Variants in ZNF565 observed in about 807,000 individuals in gnomAD.
ZNF565 encodes the protein zinc finger protein 565.
Under a neutral mutation model 39.4 loss-of-function variants are expected in ZNF565, and 27 were observed. That is an observed-to-expected ratio of 0.69 (90% CI 0.51 to 0.95). The LOEUF (loss-of-function observed/expected upper bound fraction) is 0.95, where lower values mean the gene tolerates loss of function less well. Among genes scored for constraint, ZNF565 ranks in the 40% least tolerant of loss-of-function variants. The pLI is 0.00. For synonymous variants in ZNF565, 185 were observed against 216.6 expected (o/e 0.85, Z 1.28); for missense variants, 524 against 621.1 (o/e 0.84, Z 1.66).
chr19:36,227,741 C>T (rs191210956), intron 1 of ZNF565, among the ~76,000 whole-genome samples: 28 of 152,194 alleles, frequency 1.8e-4, no homozygotes, highest in East Asian at 7.8e-4. Flanking sequence ...TTTATAAGGA[C>T]GGTGTGTCAC....
Position 36,183,614 on chromosome 19 carries a change from C to G in ZNF565, c.352G>C (p.Asp118His). Residue 118 changes from aspartate (D) to histidine (H), a missense_variant, in exon 5 of 5, where the codon GAC becomes CAC. Coordinates refer to ENST00000304116, the MANE Select transcript of ZNF565 (RefSeq NM_152477.5). ...SDLEGSDFRA[D>H]WECEGQFERQ... Reference sequence around the variant, plus strand: ...TCAAACTGGCCTTCGCATTCCCAGTCAGCTCTAAAATCGGAGCCCTCCAGG... The same window carrying G: ...TCAAACTGGCCTTCGCATTCCCAGTGAGCTCTAAAATCGGAGCCCTCCAGG... 1 of 1,614,200 alleles carries G rather than the reference C, an allele frequency of 6.2e-7. No individual in the cohort carries two copies. Among genetic ancestry groups the G allele is most frequent in the Non-Finnish European group, 8.5e-7 (1 of 1,180,048 alleles).
chr19:36,200,181 A>C (rs552099354), intron 2 of ZNF565, among the ~76,000 whole-genome samples: 41 of 151,582 alleles, frequency 2.7e-4, no homozygotes, highest in Admixed American at 1.2e-3. Flanking sequence ...ATGCGCCATC[A>C]TGCCCGGCTA....
upstream of ZNF565, among the ~76,000 whole-genome samples, chr19:36,218,828 G>C (rs115708750): frequency 0.025 from 3,554 of 140,366 alleles, 166 homozygotes; most frequent in African/African-American, 0.089. Context: ...GTGGAGGGGG[G>C]GACAGAGTCT....
intron 4 of ZNF565, 46 bp downstream of exon 4, chr19:36,194,187 C>A: frequency 1.3e-6 from 2 of 1,511,162 alleles, no homozygotes; most frequent in South Asian, 1.2e-5. Context: ...TCCTGTCAGT[C>A]GACTCATCCA....
Position 36,183,327 on chromosome 19 carries a change from A to T in ZNF565, c.639T>A (p.His213Gln). The change falls in exon 5 of 5, where the codon CAT (histidine) becomes CAA (glutamine). Residue 213 changes from histidine (H) to glutamine (Q), a missense_variant. Physicochemically the swap from His to Gln is conservative, Grantham distance 24. Coordinates refer to ENST00000304116, the MANE Select transcript of ZNF565 (RefSeq NM_152477.5). ...AFSRASHLVQ[H>Q]QRIHTGEKPY... ...GTTTCTCACCCGTGTGAATTCTCTGATGCTGAACAAGGTGTGAGGCACGGC... is the reference window on the plus strand; with the variant it reads ...GTTTCTCACCCGTGTGAATTCTCTGTTGCTGAACAAGGTGTGAGGCACGGC... 1 of 1,614,146 alleles carries T rather than the reference A, an allele frequency of 6.2e-7. No homozygotes were observed. The highest frequency in any genetic ancestry group is 1.1e-5 in the South Asian group (1 of 91,086).
chr19:36,234,565 T>C (rs1191592757), intron 1 of ZNF565, among the ~76,000 whole-genome samples: 1 of 152,098 alleles, frequency 6.6e-6, no homozygotes, highest in Non-Finnish European at 1.5e-5. Context: ...GCCCGGCTAA[T>C]TTTTTGTATT....
intron 1 of ZNF565, chr19:36,237,251 A>C: frequency 1.2e-6 from 2 of 1,614,052 alleles, no homozygotes; most frequent in Non-Finnish European, 1.7e-6. Flanking sequence ...TTATCAGTGC[A>C]GTGAATGTGG....
At chr19:36,196,282 C>T (rs1975758771) in intron 2 of ZNF565, among the ~76,000 whole-genome samples, 1 of 151,956 alleles carries the variant, frequency 6.6e-6, no homozygotes, top group African/African-American at 2.4e-5. Context: ...CACTATGTTA[C>T]CCAGGCTGGC....
intron 1 of ZNF565, chr19:36,236,489 G>A: frequency 6.2e-7 from 1 of 1,613,846 alleles, no homozygotes; most frequent in South Asian, 1.1e-5. Context: ...AAACCCCTTT[G>A]CCTGTAAGGT....
chr19:36,229,149 T>G (rs988612299), intron 1 of ZNF565, among the ~76,000 whole-genome samples: 5 of 152,348 alleles, frequency 3.3e-5, no homozygotes, highest in African/African-American at 9.6e-5. Context: ...TTGTAAAACC[T>G]TACATATTGT....
intron 1 of ZNF565, among the ~76,000 whole-genome samples, chr19:36,204,593 G>A (rs956054160): frequency 4.6e-5 from 7 of 152,318 alleles, no homozygotes; most frequent in African/African-American, 1.7e-4. Flanking sequence ...GTATGTCTGA[G>A]AAACTAAAGT....
chr19:36,221,384 G>A (rs2145407089), intron 1 of ZNF565, among the ~76,000 whole-genome samples: 1 of 149,586 alleles, frequency 6.7e-6, no homozygotes, highest in East Asian at 2.0e-4. Flanking sequence ...CGCCTCCCGG[G>A]TTCACGCCAT....
At chr19:36,186,574 G>A (rs1457179597) in intron 4 of ZNF565, among the ~76,000 whole-genome samples, 1 of 151,978 alleles carries the variant, frequency 6.6e-6, no homozygotes, top group Non-Finnish European at 1.5e-5. Context: ...GGTCACTTGA[G>A]CTCAGGAGTT....
chr19:36,225,907 T>C (rs1236047042), intron 1 of ZNF565, among the ~76,000 whole-genome samples: 2 of 151,920 alleles, frequency 1.3e-5, no homozygotes, highest in Non-Finnish European at 2.9e-5. Flanking sequence ...ACTACAGGCA[T>C]GTACCACCCC....
chr19:36,199,688 A>C (rs756440756), intron 2 of ZNF565, among the ~76,000 whole-genome samples: 11 of 151,846 alleles, frequency 7.2e-5, no homozygotes, highest in Non-Finnish European at 1.6e-4. Context: ...TCGTATATAC[A>C]TATCTTTTGT....
chr19:36,220,352 C>CT (rs1349453534), intron 1 of ZNF565, among the ~76,000 whole-genome samples: 1 of 114,576 alleles, frequency 8.7e-6, no homozygotes, highest in Admixed American at 9.7e-5. Flanking sequence ...GCTCCTAGTT[C>CT]TTTTTTTTAA....
At chr19:36,229,483 C>G (rs961423456) in intron 1 of ZNF565, among the ~76,000 whole-genome samples, 2 of 152,272 alleles carry the variant, frequency 1.3e-5, no homozygotes, top group Middle Eastern at 3.4e-3. Flanking sequence ...AAAATCTCCT[C>G]TTAACTCTTG....
At chr19:36,205,579 G>A (rs1976122652) in intron 1 of ZNF565, among the ~76,000 whole-genome samples, 2 of 152,092 alleles carry the variant, frequency 1.3e-5, no homozygotes, top group African/African-American at 4.8e-5. Flanking sequence ...TGAAATGGAA[G>A]GAAACCTAAG....
intron 1 of ZNF565, among the ~76,000 whole-genome samples, chr19:36,221,480 A>G (rs979558300): frequency 6.6e-6 from 1 of 151,678 alleles, no homozygotes; most frequent in Non-Finnish European, 1.5e-5. Flanking sequence ...AGTAGAGACG[A>G]GGTTTCACCA....
Sources: gnomAD v4.1 joint callset for allele counts (sites outside exome capture counted in the v4.1 genomes callset) on GRCh38, gnomAD v4.1.1 for gene constraint, MANE v1.5 for transcripts, NCBI Gene and HGNC (gene_info 2026-07-23, HGNC 2026-07-21) for gene names.